CAB39: variants seen among roughly 807,000 people sequenced by gnomAD.
CAB39 encodes the protein calcium binding protein 39.
A neutral mutation model predicts 40.0 loss-of-function variants in CAB39; 8 were observed. The observed-to-expected ratio is 0.20, with a 90% confidence interval of 0.12 to 0.36. CAB39 has a LOEUF of 0.36. Ranked by LOEUF, CAB39 falls within the 10% of genes least tolerant of loss-of-function variation. The probability of loss-of-function intolerance (pLI) is 1.00; values close to 1 mark genes in which losing one functional copy is unlikely to be tolerated. For synonymous variants in CAB39, 156 were observed against 141.6 expected, an observed-to-expected ratio of 1.10 and a Z score of -0.72; for missense variants, 270 against 401.1, an observed-to-expected ratio of 0.67 and a Z score of 2.79.
At chr2:230,800,015 GCACA>G (rs371013394) in intron 5 of CAB39, among the ~76,000 whole-genome samples, 44 of 150,068 alleles carry the variant, frequency 2.9e-4, no homozygotes, top group African/African-American at 9.0e-4. Context: ...ATGTATACAC[GCACA>G]CACACACACA....
intron 2 of CAB39, among the ~76,000 whole-genome samples, chr2:230,776,230 G>A (rs910003896): frequency 6.6e-6 from 1 of 152,138 alleles, no homozygotes; most frequent in Non-Finnish European, 1.5e-5. Context: ...GAGGTCTTAC[G>A]CTATAGAAGT....
intron 2 of CAB39, among the ~76,000 whole-genome samples, chr2:230,782,811 TTC>T (rs1358445281): frequency 0.06 from 7,571 of 125,682 alleles, 380 homozygotes; most frequent in Non-Finnish European, 0.082. Flanking sequence ...CTTTCTTTCT[TTC>T]TTTTTTTTTT....
At chr2:230,738,144 G>C (rs186747983) in intron 1 of CAB39, among the ~76,000 whole-genome samples, 11 of 152,206 alleles carry the variant, frequency 7.2e-5, no homozygotes, top group African/African-American at 2.7e-4. Context: ...CTCCGCTGAA[G>C]TCTGGGACCT....
At chr2:230,718,677 A>T (rs1481312630) in intron 1 of CAB39, among the ~76,000 whole-genome samples, 1 of 152,196 alleles carries the variant, frequency 6.6e-6, no homozygotes, top group East Asian at 1.9e-4. Flanking sequence ...ATGCCTAGAC[A>T]TAAGTTTTGT....
At chr2:230,731,750 C>T (rs1461022451) in intron 1 of CAB39, among the ~76,000 whole-genome samples, 1 of 152,184 alleles carries the variant, frequency 6.6e-6, no homozygotes, top group Non-Finnish European at 1.5e-5. Context: ...CCTGCCTAGG[C>T]CTCCCAAAGT....
rs1230592820 is a variant in CAB39, at chr2:230,725,155, G to A, written c.-44+11925G>A. 7 of 1,613,196 alleles carry A rather than the reference G, an allele frequency of 4.3e-6. No individual in the cohort carries two copies. The African/African-American group carries it at 5.3e-5, about 12-fold the overall frequency. ...TTCCCAGAGAGCATCACAAGAAGGCGTCGCACCACTCTCGAAGGCAGTCCC... is the reference window on the plus strand; with the variant it reads ...TTCCCAGAGAGCATCACAAGAAGGCATCGCACCACTCTCGAAGGCAGTCCC... On this transcript the variant is annotated intron_variant, in intron 1 of 8. Coordinates refer to ENST00000258418, the MANE Select transcript of CAB39 (RefSeq NM_016289.4).
chr2:230,776,459 A>G lies in CAB39; in HGVS notation c.115-14413A>G, dbSNP rs180678329. Among the ~76,000 whole-genome samples, 19 of 152,292 alleles carry G rather than the reference A, an allele frequency of 1.2e-4. No homozygotes were observed. In the East Asian group the frequency reaches 3.5e-3, roughly 28 times the overall value. ...TTTTACAGTTTGTGTGGATATGCAT[A>G]TAGCTCTATGCAATTGCATCACACT... On this transcript the variant is annotated intron_variant, in intron 2 of 8. Transcript: ENST00000258418.
At chr2:230,793,753 A>G (rs767200555) in intron 4 of CAB39, among the ~76,000 whole-genome samples, 4 of 152,220 alleles carry the variant, frequency 2.6e-5, no homozygotes, top group Non-Finnish European at 5.9e-5. Context: ...TGGATTCTCT[A>G]CAGCTTTACT....
chr2:230,786,390 T>C (rs1695794946), intron 2 of CAB39, among the ~76,000 whole-genome samples: 1 of 151,998 alleles, frequency 6.6e-6, no homozygotes, highest in African/African-American at 2.4e-5. Flanking sequence ...AACAGCTTTA[T>C]TGAGATATAA....
At chr2:230,797,721 AG>A (rs1298187463) in intron 4 of CAB39, among the ~76,000 whole-genome samples, 3 of 152,188 alleles carry the variant, frequency 2.0e-5, no homozygotes, top group African/African-American at 7.2e-5. Flanking sequence ...TGTAGGCAAC[AG>A]GTGAAGACCT....
intron 8 of CAB39, 174 bp downstream of exon 8, chr2:230,818,071 G>A (rs1249730861): frequency 2.0e-5 from 12 of 597,038 alleles, no homozygotes; most frequent in Non-Finnish European, 3.2e-5. Flanking sequence ...ACCTGGAAAC[G>A]GGTTACTGTT....
intron 2 of CAB39, among the ~76,000 whole-genome samples, chr2:230,770,061 A>G (rs1437139899): frequency 1.3e-5 from 2 of 152,196 alleles, no homozygotes; most frequent in Admixed American, 6.5e-5. Flanking sequence ...CTAAATATCT[A>G]TGTTAAAATA....
At chr2:230,775,672 T>C (rs901463626) in intron 2 of CAB39, among the ~76,000 whole-genome samples, 6 of 151,090 alleles carry the variant, frequency 4.0e-5, no homozygotes, top group Non-Finnish European at 8.8e-5. Context: ...GACTTAACAG[T>C]GGTGCGCATT....
intron 2 of CAB39, among the ~76,000 whole-genome samples, chr2:230,786,608 T>C (rs1695798702): frequency 6.6e-6 from 1 of 152,220 alleles, no homozygotes; most frequent in African/African-American, 2.4e-5. Context: ...TTGAAAATCA[T>C]ATAATAAAGT....
rs559124372 is a variant in CAB39 at position 230,736,190 on chromosome 2, C to G, written c.-44+22960C>G. Among the ~76,000 whole-genome samples the G allele has an allele frequency of 4.6e-5, 7 of 152,284 alleles. No homozygotes were observed. In the South Asian group the frequency reaches 1.5e-3, roughly 32 times the overall value. ...TAATCTCTTCCCAGACAGGATGTCCCTGTAACATTGTTACCTATTTCTACA... is the reference window on the plus strand; with the variant it reads ...TAATCTCTTCCCAGACAGGATGTCCGTGTAACATTGTTACCTATTTCTACA... On this transcript the variant is annotated intron_variant, in intron 1 of 8. Coordinates refer to ENST00000258418, the MANE Select transcript of CAB39 (RefSeq NM_016289.4).
chr2:230,820,215 A>G lies in CAB39; in HGVS notation c.*1511A>G, dbSNP rs1201529000. The G allele has an allele frequency of 1.3e-5, 2 of 152,530 alleles. No individual in the cohort carries two copies. Among genetic ancestry groups the G allele is most frequent in the East Asian group, 1.9e-4 (1 of 5,202 alleles). The allele number at this position is 152,530 out of a possible 1,614,324, so 9.4% of individuals were successfully genotyped here. A position where few individuals can be genotyped will look rare whatever the true frequency, so the allele number is the denominator to read the frequency against. ...CAGAGTTTGCCAGTTCAAATTCAGC[A>G]TGGCTGCAGCTGATTAAGAAATTGA... On this transcript the variant is annotated 3_prime_UTR_variant, in exon 9 of 9. Coordinates refer to ENST00000258418, the MANE Select transcript of CAB39 (RefSeq NM_016289.4).
intron 1 of CAB39, among the ~76,000 whole-genome samples, chr2:230,757,710 C>G (rs1480369865): frequency 6.6e-6 from 1 of 152,184 alleles, no homozygotes; most frequent in Non-Finnish European, 1.5e-5. Context: ...CTCCACATCA[C>G]TGCTATTATT....
At chr2:230,762,952 G>A (rs888416483) in intron 2 of CAB39, among the ~76,000 whole-genome samples, 1 of 152,290 alleles carries the variant, frequency 6.6e-6, no homozygotes, top group East Asian at 1.9e-4. Context: ...AAACTTTTGG[G>A]TCTCAAGACC....
intron 2 of CAB39, among the ~76,000 whole-genome samples, chr2:230,787,862 G>T (rs1266062937): frequency 6.6e-6 from 1 of 152,196 alleles, no homozygotes; most frequent in Non-Finnish European, 1.5e-5. Context: ...TTAAAATATT[G>T]CCTGATCTGC....
Sources: gnomAD v4.1 joint callset for allele counts (sites outside exome capture counted in the v4.1 genomes callset) on GRCh38, gnomAD v4.1.1 for gene constraint, MANE v1.5 for transcripts, NCBI Gene and HGNC (gene_info 2026-07-23, HGNC 2026-07-21) for gene names.